Variants in RBMS2 observed in about 807,000 individuals in gnomAD.
RBMS2 encodes the protein RNA-binding motif, single-stranded-interacting protein 2.
RBMS2 carries 38 observed loss-of-function variants against 58.4 expected under a neutral mutation model. That is an observed-to-expected ratio of 0.65 (90% confidence interval 0.50 to 0.85). The LOEUF is 0.85. Among genes scored for constraint, RBMS2 ranks in the 40% least tolerant of loss-of-function variants. The pLI is 0.00. For missense variants in RBMS2, 367 were observed against 503.7 expected (o/e 0.73, Z 2.60); for synonymous variants, 151 against 180.7 (o/e 0.84, Z 1.32).
intron 5 of RBMS2, chr12:56,573,311 T>C (rs2136491038): frequency 4.8e-6 from 2 of 417,872 alleles, no homozygotes; most frequent in Non-Finnish European, 6.4e-6. Flanking sequence ...ACCCCGTCTC[T>C]ACTAAAAATA....
intron 1 of RBMS2, among the ~76,000 whole-genome samples, 195 bp from the exon 2 acceptor site, chr12:56,562,222 A>G (rs1007683518): frequency 6.6e-6 from 1 of 152,248 alleles, no homozygotes; most frequent in Admixed American, 6.5e-5. Flanking sequence ...TCTTTGGGCT[A>G]TCTCACAATG....
At chr12:56,540,270 A>G (rs11836473) in intron 1 of RBMS2, among the ~76,000 whole-genome samples, 10,495 of 152,240 alleles carry the variant, frequency 0.069, 1,232 homozygotes, top group African/African-American at 0.24. Flanking sequence ...TATTTATTGA[A>G]TGAATAGATG....
chr12:56,573,457 GCAAAGCGAGA>G (rs1202688885), intron 5 of RBMS2, among the ~76,000 whole-genome samples: 1 of 117,222 alleles, frequency 8.5e-6, no homozygotes, highest in Non-Finnish European at 1.6e-5. Context: ...AGCCTGGGCA[GCAAAGCGAGA>G]CGCCATCTCA....
chr12:56,535,527 C>A (rs1874619219), intron 1 of RBMS2, among the ~76,000 whole-genome samples: 1 of 151,080 alleles, frequency 6.6e-6, no homozygotes. Flanking sequence ...TATATCCAGT[C>A]TCATAGCTTT....
chr12:56,522,221 T>G, intron 1 of RBMS2, 132 bp downstream of exon 1: 1,170 of 546,246 alleles, frequency 2.1e-3, no homozygotes, highest in East Asian at 4.3e-3. Context: ...CTCACCGCGC[T>G]TCTCCCTTTT....
At chr12:56,532,199 A>G (rs1454187744) in intron 1 of RBMS2, among the ~76,000 whole-genome samples, 1 of 152,010 alleles carries the variant, frequency 6.6e-6, no homozygotes. Flanking sequence ...AGCCTGGGCT[A>G]CAAGAATGAA....
rs1194603810 is a variant in RBMS2 at position 56,594,975 on chromosome 12, A to G, written c.*5842A>G. ...TAAACTTGGGAATTTCTATTCCTAC[A>G]GTGTTTTCTCTGGGATTTTTAGCTC... is the stretch of plus-strand genomic sequence containing the variant. On this transcript the variant is annotated 3_prime_UTR_variant, in exon 14 of 14. Coordinates refer to ENST00000262031, the MANE Select transcript of RBMS2 (RefSeq NM_002898.4). The G allele has an allele frequency of 1.4e-5, 2 of 141,278 alleles. No individual in the cohort carries two copies. Among genetic ancestry groups the G allele is most frequent in the East Asian group, 3.8e-4 (2 of 5,200 alleles). 8.8% of individuals were successfully genotyped at this position (141,278 alleles called of 1,614,324 possible). A position where few individuals can be genotyped will look rare whatever the true frequency, so the allele number is the denominator to read the frequency against.
At chr12:56,588,521 C>G (rs1051532938) in intron 12 of RBMS2, 147 bp downstream of exon 12, 45 of 725,724 alleles carry the variant, frequency 6.2e-5, no homozygotes, top group South Asian at 4.3e-4. Flanking sequence ...GAAGGATGTG[C>G]TCGCTTCGGC....
chr12:56,542,830 G>A (rs894528569), intron 1 of RBMS2, among the ~76,000 whole-genome samples: 10 of 151,474 alleles, frequency 6.6e-5, no homozygotes, highest in African/African-American at 1.9e-4. Flanking sequence ...GATTATAGCC[G>A]TGAGCCACCA....
chr12:56,574,976 A>G (rs1010407003), intron 5 of RBMS2, among the ~76,000 whole-genome samples: 1 of 151,650 alleles, frequency 6.6e-6, no homozygotes, highest in Non-Finnish European at 1.5e-5. Flanking sequence ...GTGAAACCCC[A>G]TCTCTACTAA....
intron 2 of RBMS2, among the ~76,000 whole-genome samples, chr12:56,563,015 T>C (rs1880714566): frequency 6.6e-6 from 1 of 152,034 alleles, no homozygotes; most frequent in Non-Finnish European, 1.5e-5. Context: ...CCCAGCTACT[T>C]AGAAGGCTGA....
At chr12:56,569,751 G>T (rs1881971136) in intron 3 of RBMS2, 148 bp from the exon 4 acceptor site, 2 of 704,346 alleles carry the variant, frequency 2.8e-6, no homozygotes, top group African/African-American at 1.8e-5. Flanking sequence ...AGGAGCATGT[G>T]GATAACTACC....
intron 1 of RBMS2, among the ~76,000 whole-genome samples, chr12:56,549,502 C>A (rs766367414): frequency 6.6e-6 from 1 of 152,106 alleles, no homozygotes; most frequent in African/African-American, 2.4e-5. Context: ...TCATGCGACT[C>A]AGTAAGACAG....
intron 1 of RBMS2, among the ~76,000 whole-genome samples, chr12:56,555,414 T>C (rs1202326924): frequency 1.4e-5 from 2 of 143,522 alleles, no homozygotes; most frequent in South Asian, 4.4e-4. Flanking sequence ...TACTCCAGCC[T>C]GGGCAACAAG....
At chr12:56,526,493 A>G (rs372995142) in intron 1 of RBMS2, among the ~76,000 whole-genome samples, 27 of 152,018 alleles carry the variant, frequency 1.8e-4, no homozygotes, top group African/African-American at 6.0e-4. Flanking sequence ...ATAATGCCTA[A>G]TAAAGGCGGA....
Position 56,543,522 on chromosome 12 carries a change from T to C in RBMS2, c.67-18895T>C, listed in dbSNP as rs371762677. 1.3e-4 allele frequency among the ~76,000 whole-genome samples: 19 copies of C among 150,982 alleles called. No individual in the cohort carries two copies. In the East Asian group the frequency reaches 1.6e-3, roughly 13 times the overall value. On this transcript the variant is annotated intron_variant, in intron 1 of 13. Transcript: ENST00000262031. ...GTACTGAGAGTCACCTTTTTTTTTT[T>C]TTTTTGAGATAGTCTTGCTCTGTGG... is the stretch of plus-strand genomic sequence containing the variant.
intron 12 of RBMS2, 126 bp downstream of exon 12, chr12:56,588,500 G>C: frequency 1.1e-6 from 1 of 902,194 alleles, no homozygotes; most frequent in Non-Finnish European, 1.8e-6. Context: ...GTAGGTATAC[G>C]AAGAACGTAG....
intron 1 of RBMS2, among the ~76,000 whole-genome samples, chr12:56,557,765 T>A (rs1879493117): frequency 6.7e-6 from 1 of 149,628 alleles, no homozygotes; most frequent in Non-Finnish European, 1.5e-5. Flanking sequence ...TGAGACGGAG[T>A]TTCGCTCTTG....
At chr12:56,538,673 G>A (rs1027295739) in intron 1 of RBMS2, among the ~76,000 whole-genome samples, 1 of 151,610 alleles carries the variant, frequency 6.6e-6, no homozygotes, top group South Asian at 2.1e-4. Flanking sequence ...GTAGAGATAC[G>A]GTTTCACCAT....
Sources: gnomAD v4.1 joint callset for allele counts (sites outside exome capture counted in the v4.1 genomes callset) on GRCh38, gnomAD v4.1.1 for gene constraint, MANE v1.5 for transcripts, NCBI Gene and HGNC (gene_info 2026-07-23, HGNC 2026-07-21) for gene names.